The following TTC7A variants were observed in gnomAD, a reference collection of about 807,000 sequenced individuals.
TTC7A encodes tetratricopeptide repeat domain 7A.
In TTC7A, 110 loss-of-function variants were observed where a neutral mutation model predicts 103.7. The observed-to-expected ratio is 1.06, with a 90% CI of 0.91 to 1.24. The LOEUF (loss-of-function observed/expected upper bound fraction) is 1.24. Ranked by LOEUF, TTC7A falls within the 50% of genes most tolerant of loss-of-function variation. The pLI is 0.00. For synonymous variants in TTC7A, 521 were observed against 467.9 expected (o/e 1.11, Z -1.47); for missense variants, 1,340 against 1,116.3 (o/e 1.20, Z -2.86).
chr2:47,021,998 G>A lies in TTC7A; in HGVS notation c.1510+19G>A, dbSNP rs1319493497. The A allele has an allele frequency of 6.3e-7, 1 of 1,582,994 alleles. No individual in the cohort carries two copies. Among genetic ancestry groups the A allele is most frequent in the African/African-American group, 1.3e-5 (1 of 74,298 alleles). ...ACCGACGGTGAGTGCCAGGCCCCAG[G>A]AGGCCTCTACTTGGGGATGGCTCAG... On this transcript the variant is annotated intron_variant, in intron 12 of 19. Transcript: ENST00000319190.
chr2:46,969,963 A>G (rs561439102), intron 3 of TTC7A, among the ~76,000 whole-genome samples: 2 of 152,328 alleles, frequency 1.3e-5, no homozygotes, highest in East Asian at 1.9e-4. Flanking sequence ...TCTACCTGGC[A>G]GGGTTTCAGA....
intron 19 of TTC7A, among the ~76,000 whole-genome samples, chr2:47,067,360 C>CA (rs1684263213): frequency 6.6e-6 from 1 of 152,224 alleles, no homozygotes; most frequent in Non-Finnish European, 1.5e-5. Context: ...GACTTGGTGG[C>CA]ACGTGGCCTG....
intron 15 of TTC7A, among the ~76,000 whole-genome samples, chr2:47,038,968 G>A (rs746101269): frequency 4.6e-5 from 7 of 152,120 alleles, no homozygotes; most frequent in South Asian, 4.1e-4. Flanking sequence ...GAAGGATCTC[G>A]CAGGAAGACA....
chr2:47,042,912 T>G (rs2104680873), intron 15 of TTC7A, among the ~76,000 whole-genome samples: 1 of 152,318 alleles, frequency 6.6e-6, no homozygotes, highest in South Asian at 2.1e-4. Flanking sequence ...GAGCCTAGGC[T>G]TGCCTACTCT....
At chr2:47,063,606 A>G (rs1683959624) in intron 19 of TTC7A, among the ~76,000 whole-genome samples, 1 of 152,226 alleles carries the variant, frequency 6.6e-6, no homozygotes, top group Non-Finnish European at 1.5e-5. Flanking sequence ...GATAATTACC[A>G]AGAGAGGAAT....
At chr2:47,045,083 C>T (rs902735029) in intron 15 of TTC7A, among the ~76,000 whole-genome samples, 5 of 152,266 alleles carry the variant, frequency 3.3e-5, no homozygotes, top group East Asian at 1.9e-4. Context: ...CTGACAGTAC[C>T]GTGGTCTTGC....
At chr2:47,031,020 G>A (rs151306056) in intron 15 of TTC7A, among the ~76,000 whole-genome samples, 8 of 152,188 alleles carry the variant, frequency 5.3e-5, no homozygotes, top group Admixed American at 6.5e-5. Context: ...GATGGCAGGT[G>A]CCTGTAATCC....
At chr2:46,984,705 C>T (rs1674827814) in intron 5 of TTC7A, among the ~76,000 whole-genome samples, 1 of 152,146 alleles carries the variant, frequency 6.6e-6, no homozygotes, top group Non-Finnish European at 1.5e-5. Flanking sequence ...CTGGCTGAAC[C>T]ATGTGCTTGG....
At chr2:46,917,192 C>A in exon 2 of TTC7A, 1 of 701,564 alleles carries the variant, frequency 1.4e-6, no homozygotes, top group Admixed American at 2.0e-5. Flanking sequence ...AGAAAAGAGT[C>A]TCCATGGTGC....
chr2:46,984,416 G>C (rs1482467307), intron 5 of TTC7A, among the ~76,000 whole-genome samples: 3 of 152,194 alleles, frequency 2.0e-5, no homozygotes, highest in Non-Finnish European at 4.4e-5. Context: ...CCCTCTAGTT[G>C]GCTTTCTCCC....
intron 18 of TTC7A, among the ~76,000 whole-genome samples, chr2:47,057,434 A>C (rs1279945857): frequency 6.6e-6 from 1 of 152,160 alleles, no homozygotes; most frequent in Admixed American, 6.5e-5. Context: ...GCCCCGAGGC[A>C]AGAGGGATTG....
intron 11 of TTC7A, among the ~76,000 whole-genome samples, chr2:47,020,298 G>A (rs1679143239): frequency 6.6e-6 from 1 of 152,214 alleles, no homozygotes; most frequent in African/African-American, 2.4e-5. Flanking sequence ...TCACCATGTG[G>A]CTTTGGCTTC....
intron 1 of TTC7A, among the ~76,000 whole-genome samples, chr2:46,950,110 ACT>A (rs1274042511): frequency 6.6e-6 from 1 of 152,168 alleles, no homozygotes; most frequent in Non-Finnish European, 1.5e-5. Context: ...AGTCCTGGGA[ACT>A]CTGTCTTCCC....
intron 15 of TTC7A, among the ~76,000 whole-genome samples, chr2:47,030,883 T>C (rs1203022251): frequency 6.6e-6 from 1 of 152,202 alleles, no homozygotes; most frequent in Non-Finnish European, 1.5e-5. Flanking sequence ...CAGTGGCTCA[T>C]GCCTATAATC....
chr2:46,935,720 T>G (rs1249928211), intron 2 of TTC7A, among the ~76,000 whole-genome samples: 1 of 152,188 alleles, frequency 6.6e-6, no homozygotes, highest in Non-Finnish European at 1.5e-5. Context: ...GCTCTTAAGC[T>G]TCCTGCTTGG....
chr2:47,007,493 G>A lies in TTC7A; in HGVS notation c.1287+769G>A, dbSNP rs1677542576. Among the ~76,000 whole-genome samples, 1 of 152,192 alleles carries A rather than the reference G, an allele frequency of 6.6e-6. No homozygotes were observed. The highest frequency in any genetic ancestry group is 1.5e-5 in the Non-Finnish European group (1 of 68,016). On this transcript the variant is annotated intron_variant, in intron 10 of 19. Transcript: ENST00000319190. This position sits in a 1 kb window ranked among gnomAD's most constrained non-coding sequence, Gnocchi z 4.9. Reference sequence around the variant, plus strand: ...GAGCTTGCAGATTGTTCCAGGAGCTGTAAATATCCAGAGCCCTTTCATGGG... The same window carrying A: ...GAGCTTGCAGATTGTTCCAGGAGCTATAAATATCCAGAGCCCTTTCATGGG...
intron 2 of TTC7A, among the ~76,000 whole-genome samples, chr2:46,953,998 C>T (rs1314875293): frequency 6.6e-6 from 1 of 151,980 alleles, no homozygotes; most frequent in African/African-American, 2.4e-5. Flanking sequence ...AAGGTGATCA[C>T]AACCCAGGCC....
Position 47,001,398 on chromosome 2 carries a change from G to C in TTC7A, c.1066-4524G>C, listed in dbSNP as rs1676788322. 3.3e-5 allele frequency among the ~76,000 whole-genome samples: 5 copies of C among 152,304 alleles called. No individual in the cohort carries two copies. In the South Asian group the frequency reaches 1.0e-3, roughly 32 times the overall value. ...CCCAGACTGGCCGACTGAGGGAATG[G>C]GGGGTGGTTCAGCCTCAGCTCCCTG... On this transcript the variant is annotated intron_variant, in intron 8 of 19. Transcript: ENST00000319190.
intron 19 of TTC7A, among the ~76,000 whole-genome samples, chr2:47,061,618 C>T (rs1377248461): frequency 6.6e-6 from 1 of 152,224 alleles, no homozygotes; most frequent in Non-Finnish European, 1.5e-5. Flanking sequence ...GATGCTGATA[C>T]TCTTGTCCTG....
Sources: allele counts gnomAD v4.1 joint callset (sites outside exome capture counted in the v4.1 genomes callset), GRCh38; gene constraint gnomAD v4.1.1; non-coding constraint Gnocchi (gnomAD v3.1); transcripts MANE v1.5; gene names NCBI Gene and HGNC (gene_info 2026-07-23, HGNC 2026-07-21).